Variants in PCNX3 observed in about 807,000 individuals in gnomAD.
The protein encoded by PCNX3 is pecanex 3, also known as pecanex-like protein 3.
PCNX3 carries 58 observed loss-of-function variants against 207.2 expected under a neutral mutation model. The ratio of observed to expected loss-of-function variants is 0.28; its 90% CI spans 0.23 to 0.35. PCNX3 has a LOEUF of 0.35. Ranked by LOEUF, PCNX3 falls within the 10% of genes least tolerant of loss-of-function variation. The pLI, the probability that PCNX3 is intolerant of heterozygous loss-of-function variation, is 1.00. For synonymous variants in PCNX3, 1,337 were observed against 1,183.5 expected, an observed-to-expected ratio of 1.13 and a Z score of -2.66; for missense variants, 2,410 against 2,774.4, an observed-to-expected ratio of 0.87 and a Z score of 2.95.
At position 65,626,096 on chromosome 11, in the gene PCNX3, G is replaced by A. The variant is rs371322021; in HGVS notation, c.3379+42G>A. ...GATGGCCAGGCCTGGGCAGTGGCTC[G>A]GGCTGCAGCCTGGCTGGTGGGAGCT... On this transcript the variant is annotated intron_variant, in intron 20 of 34. Coordinates refer to ENST00000355703, the MANE Select transcript of PCNX3 (RefSeq NM_032223.4). 483 of 1,557,354 alleles carry A rather than the reference G, an allele frequency of 3.1e-4. 1 individual carries two copies. The highest frequency in any genetic ancestry group is 6.7e-4 in the Middle Eastern group (4 of 5,944).
chr11:65,630,591 C>T lies in PCNX3; in HGVS notation c.4457C>T (p.Thr1486Ile). 1 of 1,610,126 alleles carries T rather than the reference C, an allele frequency of 6.2e-7. No individual in the cohort carries two copies. The highest frequency in any genetic ancestry group is 8.5e-7 in the Non-Finnish European group (1 of 1,177,102). The change falls in exon 27 of 35, where the codon ACC becomes ATC. Residue 1486 changes from threonine to isoleucine, a missense_variant. Thr to Ile is a moderately conservative substitution (Grantham distance 89). Coordinates refer to ENST00000355703, the MANE Select transcript of PCNX3 (RefSeq NM_032223.4). ...TTCGACCTCCGCAAGATCCTCATCA[C>T]CTACTATGTCAAGGTACGGTGGGCA... ...QVFDLRKILI[T>I]YYVKSIIYYV...
chr11:65,634,948 C>G, intron 29 of PCNX3, 25 bp from the exon 30 acceptor site: 2 of 1,601,648 alleles, frequency 1.2e-6, no homozygotes, highest in South Asian at 2.2e-5. Flanking sequence ...CCCTCTCTCC[C>G]CTCCCTGTTT....
intron 6 of PCNX3, 77 bp downstream of exon 6, chr11:65,619,144 T>A: frequency 1.7e-6 from 2 of 1,198,416 alleles, no homozygotes; most frequent in Non-Finnish European, 1.2e-6. Flanking sequence ...CAGGTAAGAA[T>A]GGACCTGGTC....
chr11:65,629,213 T>C (rs1855521666), intron 24 of PCNX3, 144 bp from the exon 25 acceptor site: 1 of 970,536 alleles, frequency 1.0e-6, no homozygotes, highest in Non-Finnish European at 1.6e-6. Flanking sequence ...TCCCTTCATG[T>C]ACCTGAGCCT....
At chr11:65,619,177 T>G in intron 6 of PCNX3, 110 bp downstream of exon 6, 1 of 948,126 alleles carries the variant, frequency 1.1e-6, no homozygotes, top group Non-Finnish European at 1.6e-6. Flanking sequence ...GCCTCGGTTG[T>G]AGGCAGCAGA....
chr11:65,626,326 C>A, intron 20 of PCNX3: 1 of 635,070 alleles, frequency 1.6e-6, no homozygotes, highest in Non-Finnish European at 2.9e-6. Context: ...AGAATTAGAA[C>A]CCCAGGGCCC....
rs1463163559 is a variant in PCNX3 at position 65,628,615 on chromosome 11, G to A, written c.3723G>A (p.Lys1241=). 6.2e-7 allele frequency: 1 copy of A among 1,613,562 alleles called. No homozygotes were observed. The highest frequency in any genetic ancestry group is 1.1e-5 in the South Asian group (1 of 91,086). ...LCSKLWDLLY[K]LRFVLTYIAP... ...GCCAGCTGTGGGACTTGCTGTACAA[G>A]CTGCGTTTCGTGCTGACCTACATCG... is the stretch of plus-strand genomic sequence containing the variant. Residue 1241 remains lysine, a synonymous_variant, in exon 23 of 35, where the codon AAG becomes AAA. Transcript: ENST00000355703.
At chr11:65,620,309 CG>C in intron 8 of PCNX3, 29 bp from the exon 9 acceptor site, 1 of 1,594,972 alleles carries the variant, frequency 6.3e-7, no homozygotes, top group African/African-American at 1.3e-5. Context: ...GTCTCTGCCA[CG>C]CTGCCTCATC....
rs1489859806 is a variant in PCNX3, at chr11:65,624,218, C to T, written c.2568C>T (p.Tyr856=). 6.2e-6 allele frequency: 10 copies of T among 1,607,676 alleles called. No homozygotes were observed. In the East Asian group the frequency reaches 1.1e-4, roughly 18 times the overall value. Residue 856 remains tyrosine (Y), a synonymous_variant, in exon 14 of 35, where the codon TAC becomes TAT. Coordinates refer to ENST00000355703, the MANE Select transcript of PCNX3 (RefSeq NM_032223.4). ...PMHGHNWVIA[Y]SRPVYFCICC... ...AGGGCCACAACTGGGTGATCGCGTA[C>T]AGCCGTCCTGTCTACTTCTGCATCT...
intron 15 of PCNX3, 146 bp from the exon 16 acceptor site, chr11:65,624,779 G>A (rs909718765): frequency 3.0e-5 from 28 of 944,052 alleles, no homozygotes; most frequent in African/African-American, 9.9e-5. Context: ...TCTAAAGGCC[G>A]CTTGGGGCTT....
chr11:65,636,856 C>A lies in PCNX3; in HGVS notation c.5983C>A (p.Pro1995Thr). The A allele has an allele frequency of 6.4e-7, 1 of 1,551,366 alleles. No individual in the cohort carries two copies. Among genetic ancestry groups the A allele is most frequent in the Non-Finnish European group, 8.7e-7 (1 of 1,147,132 alleles). The change falls in exon 35 of 35, where the codon CCT becomes ACT. Residue 1995 changes from proline to threonine, a missense_variant. Pro to Thr is a conservative substitution (Grantham distance 38). This residue lies in a region of PCNX3 where 278 missense variants were observed against 245.1 expected (regional missense o/e 1.13). Transcript: ENST00000355703. ...ACCCCCCAGAGCTTCCCAGGACATTCCTTGCTTGGACAGCAGTGCCCCTGA... is the reference window on the plus strand; with the variant it reads ...ACCCCCCAGAGCTTCCCAGGACATTACTTGCTTGGACAGCAGTGCCCCTGA... ...ASPPRASQDI[P>T]CLDSSAPESG...
Position 65,634,147 on chromosome 11 carries a change from C to A in PCNX3, c.4492C>A (p.Arg1498Ser), listed in dbSNP as rs767221017. Residue 1498 changes from arginine (R) to serine (S), a missense_variant, in exon 28 of 35, where the codon CGC becomes AGC. Arg to Ser is a moderately radical substitution (Grantham distance 110, BLOSUM62 -1). Around this residue, in one of 8 missense-constraint regions of PCNX3, gnomAD observed 420 missense variants for 705.3 expected, o/e 0.60. Transcript: ENST00000355703. ...CCAGAGCATCATCTACTACGTGAGC[C>A]GCTCACCAAAGCTGGAGGTGTGGCT... ...YVKSIIYYVS[R>S]SPKLEVWLSH... The A allele has an allele frequency of 4.3e-6, 7 of 1,612,806 alleles. No individual in the cohort carries two copies. The highest frequency in any genetic ancestry group is 2.2e-5 in the East Asian group (1 of 44,880).
chr11:65,627,065 C>T lies in PCNX3; in HGVS notation c.3524+17C>T, dbSNP rs1329754648. The T allele has an allele frequency of 2.0e-6, 3 of 1,472,980 alleles. No individual in the cohort carries two copies. Among genetic ancestry groups the T allele is most frequent in the East Asian group, 5.0e-5 (2 of 39,706 alleles). 91.2% of individuals were successfully genotyped at this position (1,472,980 alleles called of 1,614,324 possible). Reference sequence around the variant, plus strand: ...CTGCTTCTAGTGAGGACCACCCCACCCTCAACGATCCCATCATCCGCTTTC... The same window carrying T: ...CTGCTTCTAGTGAGGACCACCCCACTCTCAACGATCCCATCATCCGCTTTC... On this transcript the variant is annotated intron_variant, in intron 21 of 34. Coordinates refer to ENST00000355703, the MANE Select transcript of PCNX3 (RefSeq NM_032223.4).
At chr11:65,636,126 G>A (rs1565174203) in intron 32 of PCNX3, 48 bp from the exon 33 acceptor site, 2 of 1,567,542 alleles carry the variant, frequency 1.3e-6, no homozygotes, top group East Asian at 2.4e-5. Context: ...GAGGCCTCTG[G>A]CCTCAGCCGT....
chr11:65,626,439 G>C (rs1038094885), intron 20 of PCNX3: 3 of 407,152 alleles, frequency 7.4e-6, no homozygotes, highest in African/African-American at 6.1e-5. Context: ...AAAAATCCTG[G>C]AGCCTCTATT....
rs1216718894 is a variant in PCNX3 at position 65,625,035 on chromosome 11, G to A, written c.2919+19G>A. On this transcript the variant is annotated intron_variant, in intron 16 of 34. Transcript: ENST00000355703. This position sits in a 1 kb window ranked among gnomAD's most constrained non-coding sequence, Gnocchi z 5.6. ...CATCAAGGTAGGGGTGGCTTGCGAG[G>A]TGGGGGCATGCTGCAGTGCGTAAGG... 1 of 1,606,042 alleles carries A rather than the reference G, an allele frequency of 6.2e-7. No homozygotes were observed. The highest frequency in any genetic ancestry group is 2.2e-5 in the East Asian group (1 of 44,766).
Position 65,617,069 on chromosome 11 carries a change from C to A in PCNX3, c.341+58C>A, listed in dbSNP as rs1854775122. The A allele has an allele frequency of 2.0e-6, 3 of 1,516,406 alleles. No individual in the cohort carries two copies. In the South Asian group the frequency reaches 3.6e-5, roughly 18 times the overall value. The allele number at this position is 1,516,406 out of a possible 1,614,324, so 93.9% of individuals were successfully genotyped here. A position where few individuals can be genotyped will look rare whatever the true frequency, so the allele number is the denominator to read the frequency against. On this transcript the variant is annotated intron_variant, in intron 2 of 34. Transcript: ENST00000355703. ...GGGTTTTTGGTGCCTGGGCCGGAAC[C>A]TTGCAGGGTGGAGTAGGGGCTTAGG...
Position 65,618,548 on chromosome 11 carries a change from C to T in PCNX3, c.1186C>T (p.Pro396Ser), listed in dbSNP as rs752721238. Reference sequence around the variant, plus strand: ...CCTGCTACGGCCTAGCAAACGGCAGCCACCCCTGCGAAGACACTCTCCACC... The same window carrying T: ...CCTGCTACGGCCTAGCAAACGGCAGTCACCCCTGCGAAGACACTCTCCACC... ...LALLRPSKRQ[P>S]PLRRHSPPGR... Residue 396 changes from proline to serine, a missense_variant, in exon 6 of 35, where the codon CCA becomes TCA. Coordinates refer to ENST00000355703, the MANE Select transcript of PCNX3 (RefSeq NM_032223.4). 8 of 1,611,124 alleles carry T rather than the reference C, an allele frequency of 5.0e-6. No individual in the cohort carries two copies. Among genetic ancestry groups the T allele is most frequent in the Non-Finnish European group, 5.9e-6 (7 of 1,179,118 alleles).
rs769680568 is a variant in PCNX3, at chr11:65,624,008, G to A, written c.2544+47G>A. On this transcript the variant is annotated intron_variant, in intron 13 of 34. Coordinates refer to ENST00000355703, the MANE Select transcript of PCNX3 (RefSeq NM_032223.4). ...CCTCTGGCCAGGAGGCCCCGGGAGG[G>A]GCTGAGACCAGGTGGGGAGGAGGGT... 3.7e-6 allele frequency: 6 copies of A among 1,606,490 alleles called. No individual in the cohort carries two copies. The South Asian group carries it at 4.4e-5, about 12-fold the overall frequency.
Sources: gnomAD v4.1 joint callset for allele counts on GRCh38, gnomAD v4.1.1 for gene constraint, gnomAD v4.1.1 regional missense constraint, Gnocchi (gnomAD v3.1) non-coding constraint, MANE v1.5 for transcripts, NCBI Gene and HGNC (gene_info 2026-07-23, HGNC 2026-07-21) for gene names.